The following ESPNL variants were observed in gnomAD, a reference collection of about 807,000 sequenced individuals.
ESPNL encodes the protein espin like.
A neutral mutation model predicts 46.8 loss-of-function variants in ESPNL; 49 were observed. The ratio of observed to expected loss-of-function variants is 1.05; its 90% confidence interval spans 0.83 to 1.33. The LOEUF (loss-of-function observed/expected upper bound fraction) is 1.33, where lower values mean the gene tolerates loss of function less well. Ranked by LOEUF, ESPNL falls within the 40% of genes most tolerant of loss-of-function variation. ESPNL has a pLI of 0.00. For missense variants in ESPNL, 1,540 were observed against 1,436.6 expected (o/e 1.07, Z -1.16); for synonymous variants, 664 against 662.1 (o/e 1.00, Z -0.04).
chr2:238,128,130 A>G (rs1692182876), intron 7 of ESPNL, among the ~76,000 whole-genome samples: 1 of 152,102 alleles, frequency 6.6e-6, no homozygotes, highest in Non-Finnish European at 1.5e-5. Flanking sequence ...CCAGACCAGC[A>G]GAAGGGTCCT....
chr2:238,125,873 G>A (rs942685117), intron 6 of ESPNL, among the ~76,000 whole-genome samples: 10 of 152,288 alleles, frequency 6.6e-5, no homozygotes, highest in Admixed American at 3.3e-4. Flanking sequence ...GCCCTGCTGC[G>A]GCCCTGTACT....
chr2:238,128,964 A>G, intron 8 of ESPNL, 60 bp downstream of exon 8: 2 of 1,498,458 alleles, frequency 1.3e-6, no homozygotes, highest in Non-Finnish European at 8.9e-7. Context: ...AGGTAGGTGG[A>G]AGTGGAAGTC....
chr2:238,120,499 C>T (rs538229179), intron 5 of ESPNL, among the ~76,000 whole-genome samples: 431 of 152,390 alleles, frequency 2.8e-3, no homozygotes, highest in Non-Finnish European at 4.9e-3. Flanking sequence ...CTTCTGTCCC[C>T]AGACCCCGTG....
rs200761727 is a variant in ESPNL, at chr2:238,127,690, C to T, written c.1171C>T (p.Pro391Ser). 1 of 1,612,440 alleles carries T rather than the reference C, an allele frequency of 6.2e-7. No homozygotes were observed. Among genetic ancestry groups the T allele is most frequent in the African/African-American group, 1.3e-5 (1 of 74,932 alleles). Reference sequence around the variant, plus strand: ...TCTTCCCAGGGAGCAGATGACCAGCCCGGCCCCTCCGAGGATCATCACCAG... The same window carrying T: ...TCTTCCCAGGGAGCAGATGACCAGCTCGGCCCCTCCGAGGATCATCACCAG... Reference protein sequence around the residue: ...QPLPREQMTSPAPPRIITSAT... With the variant: ...QPLPREQMTSSAPPRIITSAT... Residue 391 changes from proline (P) to serine (S), a missense_variant, in exon 7 of 9, where the codon CCG (proline) becomes TCG (serine). Pro to Ser is a moderately conservative substitution (Grantham distance 74, BLOSUM62 -1). Coordinates refer to ENST00000343063, the MANE Select transcript of ESPNL (RefSeq NM_194312.4).
intron 3 of ESPNL, among the ~76,000 whole-genome samples, chr2:238,105,456 T>G (rs1309938218): frequency 6.9e-6 from 1 of 144,434 alleles, no homozygotes; most frequent in African/African-American, 2.6e-5. Context: ...GAGGTTGCTG[T>G]GAGCCAAGAT....
chr2:238,121,946 G>A (rs35974945), intron 5 of ESPNL, among the ~76,000 whole-genome samples: 52,849 of 152,198 alleles, frequency 0.35, 10,114 homozygotes, highest in African/African-American at 0.5. Context: ...ACGGGTGTCC[G>A]GCACCCATCC....
At chr2:238,104,878 G>C (rs768584753) in intron 3 of ESPNL, 36 bp downstream of exon 3, 1 of 1,427,748 alleles carries the variant, frequency 7.0e-7, no homozygotes, top group East Asian at 2.8e-5. Context: ...GGGACATCCA[G>C]GGAGTGTGGG....
Position 238,131,370 on chromosome 2 carries a change from T to G in ESPNL, c.2656T>G (p.Phe886Val). 1 of 1,602,916 alleles carries G rather than the reference T, an allele frequency of 6.2e-7. No individual in the cohort carries two copies. Among genetic ancestry groups the G allele is most frequent in the South Asian group, 1.1e-5 (1 of 89,642 alleles). Residue 886 changes from phenylalanine to valine, a missense_variant, in exon 9 of 9, where the codon TTC becomes GTC. Phe to Val is a conservative substitution (Grantham distance 50). Transcript: ENST00000343063. ...GCGCCACCTGCTGTGCTTCGAGGTC[T>G]TCGAGCACCTGGGCACCCACGGCTG... ...KLRHLLCFEV[F>V]EHLGTHGWEA...
chr2:238,128,981 C>T (rs1041225500), intron 8 of ESPNL, 77 bp downstream of exon 8: 59 of 1,485,480 alleles, frequency 4.0e-5, no homozygotes, highest in Middle Eastern at 2.4e-4. Flanking sequence ...AGTCAGGGCG[C>T]CCGAAGCCCA....
intron 3 of ESPNL, among the ~76,000 whole-genome samples, chr2:238,106,137 C>T (rs1015904670): frequency 2.0e-5 from 3 of 152,206 alleles, no homozygotes; most frequent in African/African-American, 4.8e-5. Context: ...CACCAGCCGG[C>T]GTGTAGGCGC....
Position 238,116,936 on chromosome 2 carries a change from C to A in ESPNL, c.889C>A (p.Pro297Thr), listed in dbSNP as rs1344044824. 7 of 1,612,578 alleles carry A rather than the reference C, an allele frequency of 4.3e-6. No homozygotes were observed. The East Asian group carries it at 6.7e-5, about 15-fold the overall frequency. Residue 297 changes from proline to threonine, a missense_variant, in exon 5 of 9, where the codon CCC becomes ACC. Pro to Thr is a conservative substitution (Grantham distance 38, BLOSUM62 -1). Transcript: ENST00000343063. ...GACCCTAGTCTCCCACCACGTGGAC[C>A]CCTCCCTGCGGGATGAAGATGGTTA... The part of the protein sequence containing the change: ...CQTLVSHHVD[P>T]SLRDEDGYTA...
chr2:238,127,714 A>G lies in ESPNL; in HGVS notation c.1195A>G (p.Ser399Gly). The G allele has an allele frequency of 1.2e-6, 2 of 1,611,598 alleles. No homozygotes were observed. The highest frequency in any genetic ancestry group is 2.2e-5 in the East Asian group (1 of 44,798). The part of the protein sequence containing the change: ...TSPAPPRIIT[S>G]ATADPEGTET... Reference sequence around the variant, plus strand: ...CCCGGCCCCTCCGAGGATCATCACCAGTGCCACGGCTGACCCCGAGGTTCG... The same window carrying G: ...CCCGGCCCCTCCGAGGATCATCACCGGTGCCACGGCTGACCCCGAGGTTCG... Residue 399 changes from serine to glycine, a missense_variant, in exon 7 of 9, where the codon AGT (serine) becomes GGT (glycine). Coordinates refer to ENST00000343063, the MANE Select transcript of ESPNL (RefSeq NM_194312.4).
At chr2:238,110,709 C>T (rs137910945) in intron 4 of ESPNL, among the ~76,000 whole-genome samples, 25 of 103,904 alleles carry the variant, frequency 2.4e-4, no homozygotes, top group African/African-American at 8.1e-4. Context: ...CTTTCCTGTC[C>T]CAGGATCCCA....
intron 2 of ESPNL, among the ~76,000 whole-genome samples, chr2:238,104,233 C>T (rs1008232573): frequency 6.6e-6 from 1 of 152,142 alleles, no homozygotes; most frequent in African/African-American, 2.4e-5. Flanking sequence ...GCCTCCACGC[C>T]GCCACTGTGA....
rs773567381 is a variant in ESPNL at position 238,130,743 on chromosome 2, G to GA, written c.2029_2030insA (p.Gly677GlufsTer17). 6.4e-7 allele frequency: 1 copy of GA among 1,564,278 alleles called. No homozygotes were observed. Among genetic ancestry groups the GA allele is most frequent in the South Asian group, 1.2e-5 (1 of 86,364 alleles). ...CTTCAACCCTGGCCCCTGCGAGCCGGGGGCCCAGCACAGGCAGTGCCTGAG... is the reference window on the plus strand; with the variant it reads ...CTTCAACCCTGGCCCCTGCGAGCCGGAGGGCCCAGCACAGGCAGTGCCTGAG... On this transcript the variant is annotated frameshift_variant, in exon 9 of 9. Coordinates refer to ENST00000343063, the MANE Select transcript of ESPNL (RefSeq NM_194312.4). LOFTEE classifies it low-confidence loss of function (END_TRUNC).
chr2:238,129,110 G>A, intron 8 of ESPNL: 1 of 1,415,982 alleles, frequency 7.1e-7, no homozygotes, highest in Non-Finnish European at 9.2e-7. Flanking sequence ...CTGCTCTGGA[G>A]GCATGGGTCC....
At chr2:238,115,120 C>T (rs947560747) in intron 4 of ESPNL, among the ~76,000 whole-genome samples, 3 of 152,178 alleles carry the variant, frequency 2.0e-5, no homozygotes, top group Admixed American at 6.5e-5. Context: ...GCTGATCTTG[C>T]GGCGGTTCTG....
chr2:238,104,605 G>A (rs1379939789), intron 2 of ESPNL, 51 bp from the exon 3 acceptor site: 1 of 1,485,930 alleles, frequency 6.7e-7, no homozygotes, highest in Non-Finnish European at 9.0e-7. Context: ...GCCGAGGGAT[G>A]GGCTCAGCCA....
intron 5 of ESPNL, among the ~76,000 whole-genome samples, chr2:238,118,687 A>G: frequency 1.0e-5 from 1 of 100,492 alleles, no homozygotes; most frequent in African/African-American, 4.2e-5. Context: ...GGAGAGATGG[A>G]GGAGGGTGGA....
Sources: allele counts gnomAD v4.1 joint callset (sites outside exome capture counted in the v4.1 genomes callset), GRCh38; gene constraint gnomAD v4.1.1; transcripts MANE v1.5; gene names NCBI Gene and HGNC (gene_info 2026-07-23, HGNC 2026-07-21).